Variants in EEA1 observed in about 807,000 individuals in gnomAD.
The protein encoded by EEA1 is early endosome antigen 1, also known as early endosome antigen 1, 162kD.
In EEA1, 111 loss-of-function variants were observed where a neutral mutation model predicts 209.2. The observed-to-expected ratio is 0.53, with a 90% CI of 0.45 to 0.62. EEA1 has a LOEUF of 0.62. EEA1 is among the 20% of genes least tolerant of loss of function. EEA1 has a pLI of 0.00. For synonymous variants in EEA1, 536 were observed against 540.6 expected (o/e 0.99, Z 0.12); for missense variants, 1,343 against 1,530.8 (o/e 0.88, Z 2.05).
At chr12:92,784,090 G>A (rs555745594) in intron 22 of EEA1, among the ~76,000 whole-genome samples, 1 of 151,940 alleles carries the variant, frequency 6.6e-6, no homozygotes, top group African/African-American at 2.4e-5. Context: ...CTTTTTTCAG[G>A]GAAGAATTAA....
chr12:92,913,168 T>C (rs1880639296), intron 1 of EEA1, among the ~76,000 whole-genome samples: 1 of 152,228 alleles, frequency 6.6e-6, no homozygotes, highest in Non-Finnish European at 1.5e-5. Flanking sequence ...CAACAATGTA[T>C]GGGCATTCCC....
chr12:92,807,821 A>G (rs977892847), intron 18 of EEA1, among the ~76,000 whole-genome samples: 1 of 152,124 alleles, frequency 6.6e-6, no homozygotes, highest in African/African-American at 2.4e-5. Flanking sequence ...AGAAGACTCA[A>G]TGTTGTTAAG....
intron 1 of EEA1, among the ~76,000 whole-genome samples, chr12:92,901,991 T>G (rs1880162540): frequency 6.6e-6 from 1 of 152,204 alleles, no homozygotes; most frequent in Non-Finnish European, 1.5e-5. Flanking sequence ...TATAAAAGTT[T>G]TATTTTGCAA....
In EEA1 at chr12:92,890,243, T is replaced by C. The variant is rs554526486; in HGVS notation, c.117+1386A>G. Among the ~76,000 whole-genome samples, 101 of 152,092 alleles carry C rather than the reference T, an allele frequency of 6.6e-4. 1 individual carries two copies. The highest frequency in any genetic ancestry group is 1.8e-3 in the Admixed American group (28 of 15,278). ...GTATGTTATTGGGAATTATATGAAG[T>C]AGAGGTAAAAAGTGAAGTAGCAGGA... On this transcript the variant is annotated intron_variant, in intron 2 of 28. Transcript: ENST00000322349.
chr12:92,843,396 C>T (rs1877256164), intron 9 of EEA1, among the ~76,000 whole-genome samples: 1 of 152,012 alleles, frequency 6.6e-6, no homozygotes, highest in African/African-American at 2.4e-5. Context: ...TGGGCTCAAG[C>T]GACTCTCCCA....
chr12:92,854,985 C>T (rs1441385453), intron 5 of EEA1, among the ~76,000 whole-genome samples: 1 of 152,180 alleles, frequency 6.6e-6, no homozygotes, highest in Non-Finnish European at 1.5e-5. Context: ...CGAAGAAAAT[C>T]TCTCTTTGGC....
intron 18 of EEA1, among the ~76,000 whole-genome samples, chr12:92,808,522 GCC>G (rs1875326454): frequency 1.4e-5 from 2 of 146,342 alleles, no homozygotes; most frequent in Non-Finnish European, 3.0e-5. Context: ...TCACTTTGTC[GCC>G]CAGGCTGGAG....
Position 92,790,485 on chromosome 12 carries a change from T to C in EEA1, c.2968-2436A>G, listed in dbSNP as rs61933715. On this transcript the variant is annotated intron_variant, in intron 21 of 28. Coordinates refer to ENST00000322349, the MANE Select transcript of EEA1 (RefSeq NM_003566.4). ...CATGGCACGAGAACTTCATGACACA[T>C]GCACAAGCTTCAACAGCTGATTCGA... Among the ~76,000 whole-genome samples, 484 of 152,184 alleles carry C rather than the reference T, an allele frequency of 3.2e-3. 1 individual carries two copies. The highest frequency in any genetic ancestry group is 5.4e-3 in the Non-Finnish European group (368 of 68,016).
chr12:92,801,959 G>A, intron 19 of EEA1, among the ~76,000 whole-genome samples: 1 of 151,896 alleles, frequency 6.6e-6, no homozygotes, highest in East Asian at 1.9e-4. Context: ...TGATATCTTA[G>A]AACACTTTAG....
chr12:92,873,772 A>C (rs1878754711), intron 2 of EEA1, among the ~76,000 whole-genome samples: 1 of 152,194 alleles, frequency 6.6e-6, no homozygotes, highest in South Asian at 2.1e-4. Flanking sequence ...ACTTCATATG[A>C]ATCTCATGAC....
At chr12:92,776,667 C>G (rs1219921400) in intron 28 of EEA1, among the ~76,000 whole-genome samples, 177 bp downstream of exon 28, 1 of 151,876 alleles carries the variant, frequency 6.6e-6, no homozygotes, top group Non-Finnish European at 1.5e-5. Flanking sequence ...AAGTAAAATT[C>G]AAACACATAT....
rs771026846 is a variant in EEA1, at chr12:92,811,332, C to T, written c.2146G>A (p.Glu716Lys). 9 of 1,602,832 alleles carry T rather than the reference C, an allele frequency of 5.6e-6. No homozygotes were observed. The African/African-American group carries it at 8.1e-5, about 14-fold the overall frequency. Reference sequence around the variant, plus strand: ...TTCTGTTCTAAAGAGAGGTATTTCTCTTTATATTCTTTAAGATGACTTTCC... The same window carrying T: ...TTCTGTTCTAAAGAGAGGTATTTCTTTTTATATTCTTTAAGATGACTTTCC... ...QLESHLKEYK[E>K]KYLSLEQKTE... is the part of the protein sequence containing the mutation. Residue 716 changes from glutamate (E) to lysine (K), a missense_variant, in exon 17 of 29, where the codon GAG becomes AAG. Transcript: ENST00000322349.
At chr12:92,836,477 T>C (rs575652937) in intron 10 of EEA1, among the ~76,000 whole-genome samples, 9 of 152,322 alleles carry the variant, frequency 5.9e-5, no homozygotes, top group African/African-American at 1.4e-4. Context: ...AAGAGTGCCA[T>C]GTTTTAATGC....
At chr12:92,843,358 T>C (rs563432485) in intron 9 of EEA1, among the ~76,000 whole-genome samples, 4 of 152,048 alleles carry the variant, frequency 2.6e-5, no homozygotes, top group Admixed American at 2.0e-4. Context: ...AGGGTCTTAC[T>C]ATGTTGCCTA....
intron 2 of EEA1, among the ~76,000 whole-genome samples, chr12:92,875,673 C>G (rs921554363): frequency 6.6e-6 from 1 of 152,128 alleles, no homozygotes; most frequent in Non-Finnish European, 1.5e-5. Flanking sequence ...TTGTCGTTTC[C>G]TTGCTTAAAA....
At chr12:92,805,387 T>G (rs1278030928) in intron 18 of EEA1, among the ~76,000 whole-genome samples, 2 of 152,122 alleles carry the variant, frequency 1.3e-5, no homozygotes, top group Non-Finnish European at 2.9e-5. Context: ...CATGAAGGTG[T>G]GAAACAACTT....
Position 92,819,367 on chromosome 12 carries a change from C to T in EEA1, c.1669G>A (p.Glu557Lys), listed in dbSNP as rs761297942. ...TGGTTAAGAACAGCAGTCTCTCCTT[C>T]ACCAGCCTGAATTTTTGCATAAAGA... ...EDLYAKIQAG[E>K]GETAVLNQLQ... Residue 557 changes from glutamate to lysine, a missense_variant, in exon 14 of 29, where the codon GAA (glutamate) becomes AAA (lysine). Glu to Lys is a moderately conservative substitution (Grantham distance 56). Transcript: ENST00000322349. The T allele has an allele frequency of 1.2e-6, 2 of 1,612,998 alleles. No homozygotes were observed. Among genetic ancestry groups the T allele is most frequent in the Non-Finnish European group, 1.7e-6 (2 of 1,179,482 alleles).
At chr12:92,906,093 C>CTTTTT (rs112834673) in intron 1 of EEA1, among the ~76,000 whole-genome samples, 2 of 139,504 alleles carry the variant, frequency 1.4e-5, no homozygotes, top group Admixed American at 7.2e-5. Flanking sequence ...CTTTTCTTTT[C>CTTTTT]TTTTTTTTTT....
chr12:92,787,901 T>C lies in EEA1; in HGVS notation c.3116A>G (p.Glu1039Gly). The change falls in exon 22 of 29, where the codon GAA becomes GGA. Residue 1039 changes from glutamate to glycine, a missense_variant. Glu to Gly is a moderately conservative substitution (Grantham distance 98). Coordinates refer to ENST00000322349, the MANE Select transcript of EEA1 (RefSeq NM_003566.4). The stretch of plus-strand genomic sequence containing the variant: ...TTGCCTGGTGGCTAGAAGTTCAGAT[T>C]CCCTCCCATAGAAATCAGATTGAAG... ...KQLQSDFYGR[E>G]SELLATRQDL... 1 of 1,611,368 alleles carries C rather than the reference T, an allele frequency of 6.2e-7. No individual in the cohort carries two copies. Among genetic ancestry groups the C allele is most frequent in the South Asian group, 1.1e-5 (1 of 90,646 alleles).
Sources: allele counts gnomAD v4.1 joint callset (sites outside exome capture counted in the v4.1 genomes callset), GRCh38; gene constraint gnomAD v4.1.1; transcripts MANE v1.5; gene names NCBI Gene and HGNC (gene_info 2026-07-23, HGNC 2026-07-21).